SNTG1: variants seen among roughly 807,000 people sequenced by gnomAD.
The protein encoded by SNTG1 is syntrophin gamma 1.
SNTG1 carries 39 observed loss-of-function variants against 74.7 expected under a neutral mutation model. The ratio of observed to expected loss-of-function variants is 0.52; its 90% CI spans 0.40 to 0.68. The LOEUF is 0.68. SNTG1 is among the 30% of genes least tolerant of loss of function. The pLI, the probability that SNTG1 is intolerant of heterozygous loss-of-function variation, is 0.00. For missense variants in SNTG1, 685 were observed against 609.5 expected (o/e 1.12, Z -1.30); for synonymous variants, 254 against 217.1 (o/e 1.17, Z -1.49).
At chr8:50,719,606 G>C (rs1345936784) in intron 17 of SNTG1, among the ~76,000 whole-genome samples, 1 of 152,146 alleles carries the variant, frequency 6.6e-6, no homozygotes, top group Non-Finnish European at 1.5e-5. Context: ...TCATCACACA[G>C]ATGGCATGTA....
chr8:50,349,011 C>A (rs943442174), intron 2 of SNTG1, among the ~76,000 whole-genome samples: 1 of 152,048 alleles, frequency 6.6e-6, no homozygotes, highest in African/African-American at 2.4e-5. Flanking sequence ...ATAAGTATGA[C>A]GTGAAAGAAG....
rs908979575 is a variant in SNTG1, at chr8:50,471,251, T to TG, written c.363+20522_363+20523insG. ...GTGTTTAAAAATCATATAATTTTTT[T>TG]TTTTTTGGAGACACCCTTGCTCCTA... On this transcript the variant is annotated intron_variant, in intron 8 of 18. Transcript: ENST00000642720. Among the ~76,000 whole-genome samples the TG allele has an allele frequency of 9.2e-5, 14 of 151,802 alleles. 1 individual carries two copies. The highest frequency in any genetic ancestry group is 1.5e-5 in the Non-Finnish European group (1 of 67,938).
intron 17 of SNTG1, among the ~76,000 whole-genome samples, chr8:50,735,719 C>A (rs1439248467): frequency 1.3e-5 from 2 of 152,132 alleles, no homozygotes; most frequent in South Asian, 2.1e-4. Context: ...TCCAGGAGAA[C>A]TTCCCCAACC....
chr8:50,738,077 A>T (rs1585676993), intron 17 of SNTG1, among the ~76,000 whole-genome samples: 1 of 152,164 alleles, frequency 6.6e-6, no homozygotes, highest in South Asian at 2.1e-4. Context: ...GGCAAGAGAA[A>T]GAAAGAAAGG....
chr8:50,184,751 G>T (rs1369690692), intron 2 of SNTG1, among the ~76,000 whole-genome samples: 1 of 152,000 alleles, frequency 6.6e-6, no homozygotes, highest in Admixed American at 6.6e-5. Flanking sequence ...CCTTTTTAAT[G>T]GTTAAACAAT....
chr8:50,736,097 G>A (rs541583332), intron 17 of SNTG1, among the ~76,000 whole-genome samples: 30 of 152,122 alleles, frequency 2.0e-4, no homozygotes, highest in African/African-American at 7.0e-4. Flanking sequence ...CACCAGGCCT[G>A]CCTTACCAGA....
chr8:50,546,434 A>G (rs1034047784), intron 11 of SNTG1, among the ~76,000 whole-genome samples: 3 of 152,060 alleles, frequency 2.0e-5, no homozygotes, highest in Admixed American at 2.0e-4. Context: ...CACAACGTGC[A>G]GGTTTGTTAC....
intron 1 of SNTG1, among the ~76,000 whole-genome samples, chr8:49,937,004 C>A (rs1036570497): frequency 6.6e-6 from 1 of 152,064 alleles, no homozygotes; most frequent in South Asian, 2.1e-4. Flanking sequence ...CAAAAATTCG[C>A]CGGACGTGGT....
intron 9 of SNTG1, among the ~76,000 whole-genome samples, chr8:50,525,950 C>A (rs747869871): frequency 4.4e-4 from 66 of 151,656 alleles, no homozygotes; most frequent in African/African-American, 1.6e-3. Flanking sequence ...TCAGCCATGT[C>A]TCTTAGACTT....
chr8:50,111,895 T>TA (rs2080607147), intron 1 of SNTG1, among the ~76,000 whole-genome samples: 1 of 151,958 alleles, frequency 6.6e-6, no homozygotes, highest in Admixed American at 6.6e-5. Flanking sequence ...CTTTCAGAGT[T>TA]AAAAAACTCA....
In SNTG1 at chr8:50,641,524, A is replaced by G. The variant is rs539259029; in HGVS notation, c.850-15385A>G. 2.6e-5 allele frequency among the ~76,000 whole-genome samples: 4 copies of G among 152,274 alleles called. No individual in the cohort carries two copies. The South Asian group carries it at 6.2e-4, about 24-fold the overall frequency. On this transcript the variant is annotated intron_variant, in intron 13 of 18. Coordinates refer to ENST00000642720, the MANE Select transcript of SNTG1 (RefSeq NM_018967.5). ...AATGACCAACACTTTCTGTGCTTTC[A>G]TTTAGAGAGAGCCTATTTAAAAGAC...
chr8:50,572,275 TAGAGA>T, intron 12 of SNTG1, among the ~76,000 whole-genome samples: 1 of 148,310 alleles, frequency 6.7e-6, no homozygotes, highest in Non-Finnish European at 1.5e-5. Flanking sequence ...TATATATATA[TAGAGA>T]GAGAGAGAGA....
chr8:50,731,680 G>A (rs982835858), intron 17 of SNTG1, among the ~76,000 whole-genome samples: 8 of 152,034 alleles, frequency 5.3e-5, no homozygotes, highest in Non-Finnish European at 8.8e-5. Flanking sequence ...GCATTACAGA[G>A]CAATGTAAAC....
intron 1 of SNTG1, among the ~76,000 whole-genome samples, chr8:50,033,307 A>G (rs1426804804): frequency 6.6e-6 from 1 of 152,022 alleles, no homozygotes; most frequent in Non-Finnish European, 1.5e-5. Flanking sequence ...TACTTTTACT[A>G]GAGACGGGGT....
At chr8:50,730,730 T>G (rs1188589737) in intron 17 of SNTG1, among the ~76,000 whole-genome samples, 1 of 152,176 alleles carries the variant, frequency 6.6e-6, no homozygotes, top group African/African-American at 2.4e-5. Context: ...CATCATAAAA[T>G]ATGAAGGAGG....
At chr8:50,646,094 A>G (rs1235376327) in intron 13 of SNTG1, among the ~76,000 whole-genome samples, 1 of 152,160 alleles carries the variant, frequency 6.6e-6, no homozygotes, top group East Asian at 1.9e-4. Flanking sequence ...AATATGTCGT[A>G]TTTGGAAATA....
At chr8:50,051,088 C>T (rs767408622) in intron 1 of SNTG1, among the ~76,000 whole-genome samples, 1 of 151,876 alleles carries the variant, frequency 6.6e-6, no homozygotes, top group Non-Finnish European at 1.5e-5. Flanking sequence ...GGGAACAAGA[C>T]AAGGATATGT....
At chr8:50,551,877 C>T (rs562813967) in intron 11 of SNTG1, among the ~76,000 whole-genome samples, 13 of 152,222 alleles carry the variant, frequency 8.5e-5, no homozygotes, top group East Asian at 1.9e-4. Flanking sequence ...CCCTCAGAGT[C>T]GTGGATGCCC....
chr8:50,384,419 T>C (rs1357489556), intron 2 of SNTG1, among the ~76,000 whole-genome samples: 1 of 152,188 alleles, frequency 6.6e-6, no homozygotes, highest in Non-Finnish European at 1.5e-5. Flanking sequence ...ACGCTGTGTA[T>C]AGGAAAGGCA....
Sources: allele counts gnomAD v4.1 joint callset (sites outside exome capture counted in the v4.1 genomes callset), GRCh38; gene constraint gnomAD v4.1.1; transcripts MANE v1.5; gene names NCBI Gene and HGNC (gene_info 2026-07-23, HGNC 2026-07-21).